Variants in DUOX2 observed in about 807,000 individuals in gnomAD.
DUOX2 encodes dual oxidase 2, also known as NADH/NADPH thyroid oxidase p138-tox.
DUOX2 carries 185 observed loss-of-function variants against 183.3 expected under a neutral mutation model. The observed-to-expected ratio is 1.01, with a 90% CI of 0.90 to 1.14. The LOEUF is 1.14. DUOX2 is among the 50% of genes most tolerant of loss of function. DUOX2 has a pLI of 0.00. For synonymous variants in DUOX2, 788 were observed against 812.4 expected (o/e 0.97, Z 0.51); for missense variants, 1,999 against 2,022.9 (o/e 0.99, Z 0.23).
intron 32 of DUOX2, 24 bp from the exon 33 acceptor site, chr15:45,094,715 AC>A (rs1430869063): frequency 5.0e-6 from 8 of 1,613,470 alleles, no homozygotes; most frequent in Non-Finnish European, 6.8e-6. Flanking sequence ...GGCAGGTCAG[AC>A]CAAAGACAGT....
intron 5 of DUOX2, 42 bp from the exon 6 acceptor site, chr15:45,111,627 G>A (rs1195137949): frequency 2.0e-6 from 3 of 1,494,218 alleles, no homozygotes; most frequent in Admixed American, 2.3e-5. Context: ...GAGAGGCGGC[G>A]GCGGGCCAGG....
chr15:45,101,952 C>A lies in DUOX2; in HGVS notation c.2692G>T (p.Ala898Ser), dbSNP rs752815381. The change falls in exon 21 of 34, where the codon GCC becomes TCC. Residue 898 changes from alanine (A) to serine (S), a missense_variant. Transcript: ENST00000389039. ...GACTCCACCACCTCGGCCAGCTGGG[C>A]CTTGGACAGGCAGTTGTTGGAGATC... Reference protein sequence around the residue: ...IEISNNCLSKAQLAEVVESMF... With the variant: ...IEISNNCLSKSQLAEVVESMF... 1 of 1,614,220 alleles carries A rather than the reference C, an allele frequency of 6.2e-7. No homozygotes were observed. The highest frequency in any genetic ancestry group is 8.5e-7 in the Non-Finnish European group (1 of 1,180,042).
intron 30 of DUOX2, 57 bp downstream of exon 30, chr15:45,095,771 G>A (rs1893883778): frequency 6.4e-7 from 1 of 1,567,986 alleles, no homozygotes; most frequent in African/African-American, 1.4e-5. Flanking sequence ...ATAGGGAAGG[G>A]CAGAGATCCT....
chr15:45,113,301 TC>T, intron 2 of DUOX2, 40 bp downstream of exon 2: 1 of 1,547,016 alleles, frequency 6.5e-7, no homozygotes, highest in Non-Finnish European at 8.7e-7. Flanking sequence ...CTCCCAGGGA[TC>T]CTGGGGAACA....
At chr15:45,108,380 G>T in intron 12 of DUOX2, 158 bp from the exon 13 acceptor site, 1 of 851,200 alleles carries the variant, frequency 1.2e-6, no homozygotes, top group Non-Finnish European at 1.8e-6. Flanking sequence ...GGACAAGTCT[G>T]GTGGAAGGAT....
chr15:45,102,463 C>T lies in DUOX2; in HGVS notation c.2655-474G>A, dbSNP rs774507130. 1.6e-4 allele frequency among the ~76,000 whole-genome samples: 25 copies of T among 152,214 alleles called. 1 individual carries two copies. The highest frequency in any genetic ancestry group is 2.2e-4 in the African/African-American group (9 of 41,454). ...CAACACCCCGGGGCACAGGCGGGAG[C>T]GTCTCCATGCCCAACCTGATAGCAC... On this transcript the variant is annotated intron_variant, in intron 20 of 33. Coordinates refer to ENST00000389039, the MANE Select transcript of DUOX2 (RefSeq NM_001363711.2).
chr15:45,104,462 T>A, intron 18 of DUOX2, 97 bp from the exon 19 acceptor site: 1 of 1,484,938 alleles, frequency 6.7e-7, no homozygotes, highest in Non-Finnish European at 9.2e-7. Flanking sequence ...AAAGTCCAAA[T>A]CAGAAAGGCT....
At chr15:45,101,135 G>C in intron 22 of DUOX2, 70 bp downstream of exon 22, 1 of 1,413,552 alleles carries the variant, frequency 7.1e-7, no homozygotes, top group Non-Finnish European at 9.9e-7. Context: ...TGATCAGCCA[G>C]TCCTACTCCC....
At chr15:45,096,188 G>T in intron 29 of DUOX2, 128 bp from the exon 30 acceptor site, 1 of 774,606 alleles carries the variant, frequency 1.3e-6, no homozygotes, top group Admixed American at 2.0e-5. Flanking sequence ...AGCAAGCGGG[G>T]CTCCTGGGGC....
chr15:45,111,902 C>G lies in DUOX2; in HGVS notation c.379G>C (p.Glu127Gln), dbSNP rs760732287. The change falls in exon 5 of 34, where the codon GAG (glutamate) becomes CAG (glutamine). Residue 127 changes from glutamate to glutamine, a missense_variant. Glu to Gln is a conservative substitution (Grantham distance 29). Around this residue, in one of 3 missense-constraint regions of DUOX2, gnomAD observed 356 missense variants for 356.4 expected, o/e 1.00. Transcript: ENST00000389039. ...GGTGGGATGCGGATGTTGAGGAACTCGGCGGGGCAACCGGGCGTTTCCACG... is the reference window on the plus strand; with the variant it reads ...GGTGGGATGCGGATGTTGAGGAACTGGGCGGGGCAACCGGGCGTTTCCACG... ...VSVETPGCPA[E>Q]FLNIRIPPGD... 6.2e-7 allele frequency: 1 copy of G among 1,613,796 alleles called. No homozygotes were observed. The highest frequency in any genetic ancestry group is 1.1e-5 in the South Asian group (1 of 91,078).
intron 3 of DUOX2, 54 bp from the exon 4 acceptor site, chr15:45,112,772 C>T: frequency 1.2e-6 from 2 of 1,605,552 alleles, no homozygotes; most frequent in Non-Finnish European, 1.7e-6. Flanking sequence ...CTAGGATCCC[C>T]CAAACCTCTC....
intron 8 of DUOX2, 40 bp downstream of exon 8, chr15:45,110,610 G>T (rs770646165): frequency 1.2e-6 from 2 of 1,613,644 alleles, no homozygotes; most frequent in Non-Finnish European, 1.7e-6. Flanking sequence ...CTTCCCCTCA[G>T]GATTCTCCGC....
chr15:45,099,942 C>T (rs774200790), intron 24 of DUOX2, 50 bp from the exon 25 acceptor site: 19 of 1,612,004 alleles, frequency 1.2e-5, no homozygotes, highest in South Asian at 4.4e-5. Flanking sequence ...GCCAAGGTCC[C>T]GAGCCCTGGG....
At chr15:45,113,925 G>C (rs535801517) in intron 1 of DUOX2, 48 bp downstream of exon 1, 17 of 201,004 alleles carry the variant, frequency 8.5e-5, no homozygotes, top group African/African-American at 3.2e-4. Flanking sequence ...ATGAACGCCT[G>C]TGCATGATGG....
Position 45,106,186 on chromosome 15 carries a change from A to C in DUOX2, c.2087T>G (p.Ile696Ser). The stretch of plus-strand genomic sequence containing the variant: ...GCGGCATCCTCGGTTGTTGGACAGG[A>C]TGAGGTTGACCTGCTGCAGAGGCTG... ...QLQPLQQVNLILSNNRGCRTL... is the reference protein window; with the variant it reads ...QLQPLQQVNLSLSNNRGCRTL... The change falls in exon 17 of 34, where the codon ATC (isoleucine) becomes AGC (serine). Residue 696 changes from isoleucine (I) to serine (S), a missense_variant. Ile to Ser is a moderately radical substitution (Grantham distance 142). Transcript: ENST00000389039. 2 of 1,614,194 alleles carry C rather than the reference A, an allele frequency of 1.2e-6. No individual in the cohort carries two copies. The highest frequency in any genetic ancestry group is 1.7e-6 in the Non-Finnish European group (2 of 1,180,046).
rs550037603 is a variant in DUOX2 at position 45,095,941 on chromosome 15, C to A, written c.3967G>T (p.Ala1323Ser). 3 of 1,613,784 alleles carry A rather than the reference C, an allele frequency of 1.9e-6. No individual in the cohort carries two copies. The highest frequency in any genetic ancestry group is 2.2e-5 in the South Asian group (2 of 91,048). Residue 1323 changes from alanine (A) to serine (S), a missense_variant, in exon 30 of 34, where the codon GCG (alanine) becomes TCG (serine). Ala to Ser is a moderately conservative substitution (Grantham distance 99). Transcript: ENST00000389039. ...AGGCTGAGTGTGTCCTCATGGGGCGCGGAGGTCAGTGTGAAGGGGTGGTAC... is the reference window on the plus strand; with the variant it reads ...AGGCTGAGTGTGTCCTCATGGGGCGAGGAGGTCAGTGTGAAGGGGTGGTAC... The part of the protein sequence containing the change: ...TEYHPFTLTS[A>S]PHEDTLSLHI...
intron 9 of DUOX2, 108 bp from the exon 10 acceptor site, chr15:45,110,088 C>T: frequency 1.0e-6 from 1 of 991,886 alleles, no homozygotes; most frequent in Non-Finnish European, 1.6e-6. Context: ...GAGCAGTGGC[C>T]CAGGAACTTC....
intron 29 of DUOX2, 47 bp from the exon 30 acceptor site, chr15:45,096,107 T>C: frequency 5.9e-6 from 9 of 1,537,296 alleles, no homozygotes; most frequent in Non-Finnish European, 8.1e-6. Context: ...GGCCTGCTCC[T>C]GGTACCTGAG....
intron 2 of DUOX2, 63 bp from the exon 3 acceptor site, chr15:45,113,139 A>G: frequency 6.4e-7 from 1 of 1,557,250 alleles, no homozygotes; most frequent in South Asian, 1.1e-5. Context: ...CGAGCAACGA[A>G]GGCCTTGGCC....
Sources: gnomAD v4.1 joint callset for allele counts (sites outside exome capture counted in the v4.1 genomes callset) on GRCh38, gnomAD v4.1.1 for gene constraint, gnomAD v4.1.1 regional missense constraint, MANE v1.5 for transcripts, NCBI Gene and HGNC (gene_info 2026-07-23, HGNC 2026-07-21) for gene names.